The following PERP variants were observed in gnomAD, a reference collection of about 807,000 sequenced individuals.
PERP encodes p53 apoptosis effector related to PMP22.
Under a neutral mutation model 20.3 loss-of-function variants are expected in PERP, and 11 were observed. That is an observed-to-expected ratio of 0.54 (90% CI 0.34 to 0.90). The LOEUF (loss-of-function observed/expected upper bound fraction) is 0.90. Among genes scored for constraint, PERP ranks in the 40% least tolerant of loss-of-function variants. PERP has a pLI of 0.02. For synonymous variants in PERP, 101 were observed against 102.0 expected (o/e 0.99, Z 0.06); for missense variants, 224 against 249.4 (o/e 0.90, Z 0.69).
At position 138,107,110 on chromosome 6, in the gene PERP, C is replaced by T. The variant is rs748974620; in HGVS notation, c.214+17G>A. ...GGCTTCCTGGAGGCGGCGACGGCGGCGGCGGCGGGCACTCACCGTACTCCA... is the reference window on the plus strand; with the variant it reads ...GGCTTCCTGGAGGCGGCGACGGCGGTGGCGGCGGGCACTCACCGTACTCCA... On this transcript the variant is annotated intron_variant, in intron 1 of 2. Coordinates refer to ENST00000421351, the MANE Select transcript of PERP (RefSeq NM_022121.5). The surrounding 1 kb of genome is among the most constrained non-coding windows in gnomAD (Gnocchi z 4.8). 3.2e-6 allele frequency: 5 copies of T among 1,574,342 alleles called. No homozygotes were observed. Among genetic ancestry groups the T allele is most frequent in the African/African-American group, 1.4e-5 (1 of 73,242 alleles).
chr6:138,090,680 CA>C lies in PERP; in HGVS notation c.*1361del, dbSNP rs1238373912. 2.8e-5 allele frequency: 3 copies of C among 105,564 alleles called. No individual in the cohort carries two copies. Among genetic ancestry groups the C allele is most frequent in the Middle Eastern group, 5.1e-3 (1 of 196 alleles). The allele number at this position is 105,564 out of a possible 1,614,324, so 6.5% of individuals were successfully genotyped here. A position where few individuals can be genotyped will look rare whatever the true frequency, so the allele number is the denominator to read the frequency against. On this transcript the variant is annotated 3_prime_UTR_variant, in exon 3 of 3. Coordinates refer to ENST00000421351, the MANE Select transcript of PERP (RefSeq NM_022121.5). ...GCCCTTAAAACTTCAAACAAAAAAA[CA>C]AACAAAAACCACTTTTCATTATATC... is the stretch of plus-strand genomic sequence containing the variant.
intron 1 of PERP, among the ~76,000 whole-genome samples, chr6:138,106,153 T>C (rs577473107): frequency 3.0e-4 from 45 of 152,332 alleles, no homozygotes; most frequent in African/African-American, 9.9e-4. Context: ...TTGCTGTCTG[T>C]GTTTAAAACT....
chr6:138,107,101 C>G lies in PERP; in HGVS notation c.214+26G>C. ...GGCCCCGAGGGCTTCCTGGAGGCGG[C>G]GACGGCGGCGGCGGCGGGCACTCAC... On this transcript the variant is annotated intron_variant, in intron 1 of 2. Transcript: ENST00000421351. This position sits in a 1 kb window ranked among gnomAD's most constrained non-coding sequence, Gnocchi z 4.8. 6.4e-7 allele frequency: 1 copy of G among 1,574,164 alleles called. No individual in the cohort carries two copies. The highest frequency in any genetic ancestry group is 8.6e-7 in the Non-Finnish European group (1 of 1,161,412).
chr6:138,104,197 T>C, intron 1 of PERP, among the ~76,000 whole-genome samples: 1 of 152,248 alleles, frequency 6.6e-6, no homozygotes, highest in South Asian at 2.1e-4. Flanking sequence ...TGAGTGAACA[T>C]GCATTTAAAT....
At chr6:138,093,056 T>C (rs1775615977) in intron 2 of PERP, among the ~76,000 whole-genome samples, 1 of 152,248 alleles carries the variant, frequency 6.6e-6, no homozygotes, top group South Asian at 2.1e-4. Context: ...TTTGTAATAG[T>C]ATTTAAGCAA....
chr6:138,095,868 C>T (rs1262168040), intron 2 of PERP, among the ~76,000 whole-genome samples: 2 of 152,216 alleles, frequency 1.3e-5, no homozygotes, highest in Admixed American at 6.5e-5. Flanking sequence ...CTGCAGATTC[C>T]AGTTCTGGCC....
chr6:138,095,031 A>G (rs1167611991), intron 2 of PERP, among the ~76,000 whole-genome samples: 1 of 152,102 alleles, frequency 6.6e-6, no homozygotes, highest in Admixed American at 6.5e-5. Flanking sequence ...TTAGTGTGTT[A>G]TTTCTAATGG....
Position 138,091,200 on chromosome 6 carries a change from T to C in PERP, c.*842A>G, listed in dbSNP as rs1775574296. 1.3e-5 allele frequency: 2 copies of C among 152,204 alleles called. No individual in the cohort carries two copies. Among genetic ancestry groups the C allele is most frequent in the South Asian group, 4.1e-4 (2 of 4,838 alleles). 9.4% of individuals were successfully genotyped at this position (152,204 alleles called of 1,614,324 possible). ...AAGAATGACCCTCCTAATGCTTTAC[T>C]ACACAACTTAACCAGATCTATCAGT... On this transcript the variant is annotated 3_prime_UTR_variant, in exon 3 of 3. Coordinates refer to ENST00000421351, the MANE Select transcript of PERP (RefSeq NM_022121.5).
rs1336740873 is a variant in PERP, at chr6:138,105,732, G to A, written c.214+1395C>T. ...TCAAAGTATGTTTAAAAACACACACGCAGATCTGTTAGGTCCCCTAGAAGA... is the reference window on the plus strand; with the variant it reads ...TCAAAGTATGTTTAAAAACACACACACAGATCTGTTAGGTCCCCTAGAAGA... On this transcript the variant is annotated intron_variant, in intron 1 of 2. Transcript: ENST00000421351. 2.0e-5 allele frequency among the ~76,000 whole-genome samples: 3 copies of A among 152,216 alleles called. No homozygotes were observed. The East Asian group carries it at 5.8e-4, about 29-fold the overall frequency.
intron 2 of PERP, among the ~76,000 whole-genome samples, chr6:138,095,072 A>G (rs1192262781): frequency 1.3e-5 from 2 of 152,204 alleles, no homozygotes; most frequent in African/African-American, 4.8e-5. Flanking sequence ...GGAGTTTTCT[A>G]CGACACATGA....
intron 1 of PERP, among the ~76,000 whole-genome samples, chr6:138,105,827 A>T (rs887926169): frequency 7.9e-5 from 12 of 152,258 alleles, no homozygotes; most frequent in Non-Finnish European, 1.3e-4. Context: ...AATTCGCTTT[A>T]AAAACCTAAA....
At chr6:138,093,213 T>A (rs970501930) in intron 2 of PERP, among the ~76,000 whole-genome samples, 1 of 152,074 alleles carries the variant, frequency 6.6e-6, no homozygotes, top group African/African-American at 2.4e-5. Context: ...AAGGGTCTGA[T>A]TTTAGCTCTT....
Position 138,096,597 on chromosome 6 carries a change from T to G in PERP, c.215-103A>C, listed in dbSNP as rs560236599. ...GTTTTGGGCTTTTTTTCCCTACTAG[T>G]TACATTTGGATGGAGGGACAGTTTT... On this transcript the variant is annotated intron_variant, in intron 1 of 2. Transcript: ENST00000421351. The G allele has an allele frequency of 1.5e-5, 19 of 1,309,928 alleles. No homozygotes were observed. In the South Asian group the frequency reaches 3.0e-4, roughly 21 times the overall value. The allele number at this position is 1,309,928 out of a possible 1,614,324, so 81.1% of individuals were successfully genotyped here. A position where few individuals can be genotyped will look rare whatever the true frequency, so the allele number is the denominator to read the frequency against.
chr6:138,091,852 A>G lies in PERP; in HGVS notation c.*190T>C, dbSNP rs1351333370. On this transcript the variant is annotated 3_prime_UTR_variant, in exon 3 of 3. Transcript: ENST00000421351. ...GTGAAAAGACACAACTTCACAAAACATAATAAAAGATAAACATGAAACTAT... is the reference window on the plus strand; with the variant it reads ...GTGAAAAGACACAACTTCACAAAACGTAATAAAAGATAAACATGAAACTAT... 5.4e-6 allele frequency: 3 copies of G among 558,032 alleles called. No individual in the cohort carries two copies. In the Admixed American group the frequency reaches 1.0e-4, roughly 19 times the overall value. 34.6% of individuals were successfully genotyped at this position (558,032 alleles called of 1,614,324 possible).
chr6:138,092,410 G>A, intron 2 of PERP, 142 bp from the exon 3 acceptor site: 1 of 761,716 alleles, frequency 1.3e-6, no homozygotes, highest in East Asian at 2.7e-5. Flanking sequence ...GAGGAATCTG[G>A]TTAGGCAGAG....
intron 1 of PERP, among the ~76,000 whole-genome samples, chr6:138,106,173 G>T (rs546085149): frequency 6.6e-6 from 1 of 152,222 alleles, no homozygotes; most frequent in African/African-American, 2.4e-5. Flanking sequence ...TATTAAACCC[G>T]GTAGGTAAAG....
rs116632417 is a variant in PERP at position 138,105,204 on chromosome 6, A to G, written c.214+1923T>C. On this transcript the variant is annotated intron_variant, in intron 1 of 2. Transcript: ENST00000421351. ...CAGGAATAACTAAACTGAGTTGTTA[A>G]AGCTATTACCATTTACGAAAATCAG... Among the ~76,000 whole-genome samples the G allele has an allele frequency of 4.5e-3, 678 of 152,354 alleles. 6 individuals are homozygous for G. The highest frequency in any genetic ancestry group is 0.015 in the African/African-American group (644 of 41,574).
In PERP at chr6:138,107,347, G is replaced by T. The variant is rs748595491; in HGVS notation, c.-7C>A. On this transcript the variant is annotated 5_prime_UTR_variant, in exon 1 of 3. Transcript: ENST00000421351. This position sits in a 1 kb window ranked among gnomAD's most constrained non-coding sequence, Gnocchi z 4.8. ...CCAGGCCGCAGCGGATCATGTTGAC[G>T]GGCGGCGCGGGGCCGAGCGGAGCGG... is the stretch of plus-strand genomic sequence containing the variant. The T allele has an allele frequency of 1.3e-5, 21 of 1,582,500 alleles. No homozygotes were observed. Among genetic ancestry groups the T allele is most frequent in the East Asian group, 4.5e-5 (2 of 44,102 alleles).
chr6:138,107,177 C>T lies in PERP; in HGVS notation c.164G>A (p.Gly55Asp). ...CTCCTCGTAGGACCCGCTGCCGCCG[C>T]CCTCTTGGGAGCATTTCCACCACAG... is the stretch of plus-strand genomic sequence containing the variant. Reference protein sequence around the residue: ...SSLWWKCSQEGGGSGSYEEGC... With the variant: ...SSLWWKCSQEDGGSGSYEEGC... The change falls in exon 1 of 3, where the codon GGC becomes GAC. Residue 55 changes from glycine (G) to aspartate (D), a missense_variant. Transcript: ENST00000421351. The surrounding 1 kb of genome is among the most constrained non-coding windows in gnomAD (Gnocchi z 4.8). The T allele has an allele frequency of 6.2e-7, 1 of 1,611,792 alleles. No homozygotes were observed. Among genetic ancestry groups the T allele is most frequent in the South Asian group, 1.1e-5 (1 of 91,012 alleles).
Sources: allele counts gnomAD v4.1 joint callset (sites outside exome capture counted in the v4.1 genomes callset), GRCh38; gene constraint gnomAD v4.1.1; non-coding constraint Gnocchi (gnomAD v3.1); transcripts MANE v1.5; gene names NCBI Gene and HGNC (gene_info 2026-07-23, HGNC 2026-07-21).